TEK: variants seen among roughly 807,000 people sequenced by gnomAD.
TEK encodes TEK receptor tyrosine kinase, also known as angiopoietin-1 receptor.
Under a neutral mutation model 131.8 loss-of-function variants are expected in TEK, and 43 were observed. That is an observed-to-expected ratio of 0.33 (90% CI 0.26 to 0.42). The LOEUF (loss-of-function observed/expected upper bound fraction) is 0.42, where lower values mean the gene tolerates loss of function less well. TEK is among the 10% of genes least tolerant of loss of function. The pLI, the probability that TEK is intolerant of heterozygous loss-of-function variation, is 1.00. For synonymous variants in TEK, 580 were observed against 491.6 expected (o/e 1.18, Z -2.38); for missense variants, 1,162 against 1,384.4 (o/e 0.84, Z 2.55).
At chr9:27,143,018 G>C (rs1035090596) in intron 1 of TEK, among the ~76,000 whole-genome samples, 4 of 152,218 alleles carry the variant, frequency 2.6e-5, no homozygotes, top group African/African-American at 9.6e-5. Flanking sequence ...TGATAGTAGT[G>C]ATTTGCACAC....
intron 1 of TEK, among the ~76,000 whole-genome samples, chr9:27,109,890 C>A (rs948217591): frequency 5.3e-5 from 8 of 152,058 alleles, no homozygotes; most frequent in Non-Finnish European, 8.8e-5. Context: ...CTTTGAGGAC[C>A]GATTAAATCA....
intron 21 of TEK, among the ~76,000 whole-genome samples, chr9:27,225,867 C>T (rs1226257032): frequency 6.6e-6 from 1 of 152,102 alleles, no homozygotes; most frequent in Non-Finnish European, 1.5e-5. Context: ...CCAGAATCTA[C>T]AAAGCACTTC....
chr9:27,109,236 C>CAGCAGCAGCAAA lies in TEK; in HGVS notation c.-344_-333dup, dbSNP rs1219887078. 1 of 531,462 alleles carries CAGCAGCAGCAAA rather than the reference C, an allele frequency of 1.9e-6. No homozygotes were observed. The highest frequency in any genetic ancestry group is 3.6e-5 in the Admixed American group (1 of 28,120). 32.9% of individuals were successfully genotyped at this position (531,462 alleles called of 1,614,324 possible). ...TCCAACAAAAATTCCTCTGCCCCTA[C>CAGCAGCAGCAAA]AGCAGCAGCAAAAGCAGCAGCAGAA... is the stretch of plus-strand genomic sequence containing the variant. On this transcript the variant is annotated 5_prime_UTR_variant, in exon 1 of 23. Transcript: ENST00000380036.
At chr9:27,220,286 C>T in intron 21 of TEK, 141 bp downstream of exon 21, 1 of 722,534 alleles carries the variant, frequency 1.4e-6, no homozygotes. Flanking sequence ...GAACCCCTCC[C>T]CTTTTATTCA....
At chr9:27,141,264 G>A (rs1822713057) in intron 1 of TEK, among the ~76,000 whole-genome samples, 1 of 151,598 alleles carries the variant, frequency 6.6e-6, no homozygotes, top group South Asian at 2.1e-4. Context: ...CTTATATTTT[G>A]TTTATATTTA....
At chr9:27,125,273 AGT>A (rs1300755422) in intron 1 of TEK, among the ~76,000 whole-genome samples, 3 of 152,244 alleles carry the variant, frequency 2.0e-5, no homozygotes, top group Admixed American at 1.3e-4. Flanking sequence ...GTAACTCTAG[AGT>A]ATGGAAGCCC....
chr9:27,218,855 G>A, intron 20 of TEK, 38 bp downstream of exon 20: 2 of 1,604,734 alleles, frequency 1.2e-6, no homozygotes, highest in Middle Eastern at 1.7e-4. Flanking sequence ...GAGACTCTAG[G>A]CAAAGTGAGT....
chr9:27,206,421 T>C (rs1319498963), intron 14 of TEK, among the ~76,000 whole-genome samples, 161 bp from the exon 15 acceptor site: 4 of 152,232 alleles, frequency 2.6e-5, no homozygotes, highest in African/African-American at 9.6e-5. Flanking sequence ...AGCTGGTTTA[T>C]CAGGGCAGTC....
At chr9:27,181,968 T>C (rs1824394881) in intron 7 of TEK, among the ~76,000 whole-genome samples, 1 of 136,980 alleles carries the variant, frequency 7.3e-6, no homozygotes, top group Non-Finnish European at 1.6e-5. Context: ...GGGATGCCAG[T>C]AAGTGTTTTC....
chr9:27,174,741 GC>G (rs2131153293), intron 6 of TEK, among the ~76,000 whole-genome samples: 1 of 152,232 alleles, frequency 6.6e-6, no homozygotes, highest in East Asian at 1.9e-4. Context: ...CATGCAGTGA[GC>G]CACAGCAGTG....
chr9:27,191,878 C>T, intron 10 of TEK: 5 of 442,568 alleles, frequency 1.1e-5, no homozygotes, highest in Admixed American at 7.8e-5. Context: ...AGTTTTTTTT[C>T]TTACCAAGTA....
intron 12 of TEK, among the ~76,000 whole-genome samples, chr9:27,199,097 G>A (rs540836219): frequency 1.3e-5 from 2 of 152,332 alleles, no homozygotes; most frequent in South Asian, 2.1e-4. Flanking sequence ...ACTGTGCCAA[G>A]CCCAATGTTC....
intron 18 of TEK, among the ~76,000 whole-genome samples, chr9:27,215,788 T>C (rs1400223181): frequency 6.6e-6 from 1 of 152,074 alleles, no homozygotes; most frequent in Non-Finnish European, 1.5e-5. Context: ...CTCAGGATTG[T>C]AACAGCTGAT....
At chr9:27,202,033 G>C (rs1291981371) in intron 12 of TEK, among the ~76,000 whole-genome samples, 1 of 152,140 alleles carries the variant, frequency 6.6e-6, no homozygotes, top group Non-Finnish European at 1.5e-5. Flanking sequence ...GATCAAATAG[G>C]CTTAGCCTTT....
intron 7 of TEK, among the ~76,000 whole-genome samples, chr9:27,180,728 A>G (rs1824336091): frequency 6.6e-6 from 1 of 152,164 alleles, no homozygotes; most frequent in Non-Finnish European, 1.5e-5. Context: ...TAGACAGGGG[A>G]TATTTTTAAA....
chr9:27,130,851 C>A (rs775910999), intron 1 of TEK, among the ~76,000 whole-genome samples: 2 of 151,438 alleles, frequency 1.3e-5, no homozygotes, highest in Non-Finnish European at 2.9e-5. Flanking sequence ...CAGGCGTGAG[C>A]CACCGCGCCC....
intron 15 of TEK, 34 bp from the exon 16 acceptor site, chr9:27,209,087 A>G (rs1179597376): frequency 1.3e-6 from 2 of 1,500,246 alleles, no homozygotes; most frequent in Non-Finnish European, 1.9e-6. Flanking sequence ...AAGGTGTAAC[A>G]AAGAAGAATC....
chr9:27,185,920 A>T (rs1375499746), intron 9 of TEK, among the ~76,000 whole-genome samples: 1 of 152,172 alleles, frequency 6.6e-6, no homozygotes, highest in Non-Finnish European at 1.5e-5. Context: ...CAAATGAAGC[A>T]TAATTTAGGT....
At chr9:27,175,839 G>T (rs1824149474) in intron 6 of TEK, among the ~76,000 whole-genome samples, 1 of 151,988 alleles carries the variant, frequency 6.6e-6, no homozygotes, top group Non-Finnish European at 1.5e-5. Flanking sequence ...GGGGTTGTTT[G>T]TTTTTTTCTT....
Sources: allele counts gnomAD v4.1 joint callset (sites outside exome capture counted in the v4.1 genomes callset), GRCh38; gene constraint gnomAD v4.1.1; transcripts MANE v1.5; gene names NCBI Gene and HGNC (gene_info 2026-07-23, HGNC 2026-07-21).